The following SMOC1 variants were observed in gnomAD, a reference collection of about 807,000 sequenced individuals.
SMOC1 encodes SPARC related modular calcium binding 1.
SMOC1 carries 22 observed loss-of-function variants against 56.3 expected under a neutral mutation model. The ratio of observed to expected loss-of-function variants is 0.39; its 90% CI spans 0.28 to 0.56. The LOEUF (loss-of-function observed/expected upper bound fraction) is 0.56, where lower values mean the gene tolerates loss of function less well. SMOC1 is among the 20% of genes least tolerant of loss of function. The pLI is 0.61. For synonymous variants in SMOC1, 193 were observed against 215.0 expected (o/e 0.90, Z 0.89); for missense variants, 509 against 565.4 (o/e 0.90, Z 1.01).
In SMOC1 at chr14:70,030,297, G is replaced by A; in HGVS notation, c.*39G>A. ...CAAGGGCAGGTGGAGAGTCCAGGGAGGCAGGATGGATCACCAGACACCTAA... is the reference window on the plus strand; with the variant it reads ...CAAGGGCAGGTGGAGAGTCCAGGGAAGCAGGATGGATCACCAGACACCTAA... On this transcript the variant is annotated 3_prime_UTR_variant, in exon 12 of 12. Coordinates refer to ENST00000361956, the MANE Select transcript of SMOC1 (RefSeq NM_001034852.3). 2 of 1,613,200 alleles carry A rather than the reference G, an allele frequency of 1.2e-6. No individual in the cohort carries two copies. The highest frequency in any genetic ancestry group is 1.3e-5 in the African/African-American group (1 of 74,790).
intron 10 of SMOC1, among the ~76,000 whole-genome samples, 183 bp downstream of exon 10, chr14:70,013,674 T>G (rs889202002): frequency 1.3e-5 from 2 of 152,322 alleles, no homozygotes; most frequent in East Asian, 1.9e-4. Flanking sequence ...TTCCTGCCCC[T>G]CTACCTTCCC....
At chr14:69,974,388 A>G (rs938938914) in intron 3 of SMOC1, among the ~76,000 whole-genome samples, 3 of 152,280 alleles carry the variant, frequency 2.0e-5, no homozygotes, top group Middle Eastern at 3.4e-3. Flanking sequence ...GGCATTCCAG[A>G]CAAATGGAAT....
intron 1 of SMOC1, chr14:69,886,079 T>G: frequency 6.3e-7 from 1 of 1,578,962 alleles, no homozygotes; most frequent in Non-Finnish European, 8.6e-7. Flanking sequence ...AGCCTCCTGC[T>G]TCTTCACGAC....
At chr14:69,930,189 C>T (rs1217164055) in intron 1 of SMOC1, among the ~76,000 whole-genome samples, 2 of 151,898 alleles carry the variant, frequency 1.3e-5, no homozygotes, top group Non-Finnish European at 2.9e-5. Flanking sequence ...ACCCTTCCCA[C>T]TCCCCTGACA....
intron 1 of SMOC1, chr14:69,886,290 C>T (rs933458928): frequency 1.6e-6 from 1 of 607,384 alleles, no homozygotes; most frequent in Non-Finnish European, 2.9e-6. Context: ...TTTAGCATTT[C>T]ATGCATGATC....
intron 5 of SMOC1, among the ~76,000 whole-genome samples, chr14:69,986,753 T>C (rs1884380143): frequency 6.6e-6 from 1 of 152,244 alleles, no homozygotes; most frequent in Non-Finnish European, 1.5e-5. Flanking sequence ...TTTGCTCTTC[T>C]TCAGCTCAAG....
chr14:70,014,368 T>G (rs1334101344), intron 10 of SMOC1, among the ~76,000 whole-genome samples: 1 of 151,884 alleles, frequency 6.6e-6, no homozygotes, highest in Non-Finnish European at 1.5e-5. Flanking sequence ...CTGAGCTGAG[T>G]TTTAAAGAAT....
intron 4 of SMOC1, among the ~76,000 whole-genome samples, chr14:69,976,641 CA>C (rs1445090577): frequency 2.6e-5 from 4 of 152,174 alleles, no homozygotes; most frequent in Admixed American, 6.5e-5. Flanking sequence ...CACCTCCATT[CA>C]GATGGTAAAA....
rs559117090 is a variant in SMOC1 at position 69,896,380 on chromosome 14, G to A, written c.99+16603G>A. On this transcript the variant is annotated intron_variant, in intron 1 of 11. Transcript: ENST00000361956. The stretch of plus-strand genomic sequence containing the variant: ...TGCCACTTTCTAGCTGTGTGTTCTC[G>A]GGCAAATGAACTAAGCTCCATGCTT... Among the ~76,000 whole-genome samples the A allele has an allele frequency of 5.9e-5, 9 of 152,178 alleles. 1 individual carries two copies. In the South Asian group the frequency reaches 1.0e-3, roughly 18 times the overall value.
intron 1 of SMOC1, among the ~76,000 whole-genome samples, chr14:69,943,554 G>A (rs1294418273): frequency 2.0e-5 from 3 of 152,242 alleles, no homozygotes; most frequent in Non-Finnish European, 2.9e-5. Context: ...TTTTGCAGAT[G>A]GTGAAGGACG....
intron 1 of SMOC1, among the ~76,000 whole-genome samples, chr14:69,886,297 G>A (rs990714890): frequency 3.9e-5 from 6 of 152,208 alleles, no homozygotes; most frequent in African/African-American, 1.4e-4. Flanking sequence ...TTTCATGCAT[G>A]ATCTGTTTTG....
intron 1 of SMOC1, among the ~76,000 whole-genome samples, chr14:69,891,516 C>G (rs1383757476): frequency 6.6e-6 from 1 of 152,154 alleles, no homozygotes; most frequent in Non-Finnish European, 1.5e-5. Flanking sequence ...GAAGGACAGG[C>G]TCAGGGGTGT....
At chr14:70,008,173 A>G (rs1885209547) in intron 7 of SMOC1, among the ~76,000 whole-genome samples, 1 of 151,974 alleles carries the variant, frequency 6.6e-6, no homozygotes. Context: ...TCTGTGGGCC[A>G]GGCTGTAGTG....
At chr14:69,951,308 T>C (rs1427673388) in intron 1 of SMOC1, among the ~76,000 whole-genome samples, 1 of 152,162 alleles carries the variant, frequency 6.6e-6, no homozygotes, top group Non-Finnish European at 1.5e-5. Flanking sequence ...CCAGTCCAGA[T>C]TCAAGGGAGA....
intron 1 of SMOC1, chr14:69,885,429 C>G: frequency 1.7e-5 from 27 of 1,601,480 alleles, no homozygotes; most frequent in Non-Finnish European, 2.2e-5. Context: ...ACATTGCCAC[C>G]CCAGTGACGG....
chr14:69,880,376 G>A (rs1365438618), intron 1 of SMOC1, among the ~76,000 whole-genome samples: 1 of 152,170 alleles, frequency 6.6e-6, no homozygotes, highest in Non-Finnish European at 1.5e-5. Context: ...GGAGGGGAGA[G>A]TTGCGCAATG....
chr14:69,899,865 G>A (rs1314426470), intron 1 of SMOC1, among the ~76,000 whole-genome samples: 1 of 152,168 alleles, frequency 6.6e-6, no homozygotes, highest in African/African-American at 2.4e-5. Context: ...TTACCATACT[G>A]GTTCCTGTGG....
chr14:69,977,593 A>T (rs1192086189), intron 4 of SMOC1, among the ~76,000 whole-genome samples: 1 of 152,146 alleles, frequency 6.6e-6, no homozygotes, highest in African/African-American at 2.4e-5. Flanking sequence ...ATGGGGGTGT[A>T]AAGGTGAGGG....
At chr14:70,023,182 G>A in intron 10 of SMOC1, 21 bp from the exon 11 acceptor site, 1 of 1,613,978 alleles carries the variant, frequency 6.2e-7, no homozygotes, top group Non-Finnish European at 8.5e-7. Flanking sequence ...TCTGCGGTGG[G>A]GGTGTTTGTC....
Sources: allele counts gnomAD v4.1 joint callset (sites outside exome capture counted in the v4.1 genomes callset), GRCh38; gene constraint gnomAD v4.1.1; transcripts MANE v1.5; gene names NCBI Gene and HGNC (gene_info 2026-07-23, HGNC 2026-07-21).